Variants in SVEP1 observed in about 807,000 individuals in gnomAD.
SVEP1 encodes sushi, von Willebrand factor type A, EGF and pentraxin domain-containing protein 1.
In SVEP1, 164 loss-of-function variants were observed where a neutral mutation model predicts 367.3. The observed-to-expected ratio is 0.45, with a 90% CI of 0.39 to 0.51. The LOEUF is 0.51. Ranked by LOEUF, SVEP1 falls within the 20% of genes least tolerant of loss-of-function variation. The probability of loss-of-function intolerance (pLI) is 0.00; values close to 1 mark genes in which losing one functional copy is unlikely to be tolerated. For synonymous variants in SVEP1, 1,666 were observed against 1,611.6 expected (o/e 1.03, Z -0.81); for missense variants, 4,117 against 4,425.3 (o/e 0.93, Z 1.98).
intron 41 of SVEP1, among the ~76,000 whole-genome samples, chr9:110,387,854 C>T (rs989360271): frequency 2.6e-5 from 4 of 152,166 alleles, no homozygotes; most frequent in Non-Finnish European, 4.4e-5. Context: ...AGAGGATGCC[C>T]TGTTAAATTT....
intron 8 of SVEP1, among the ~76,000 whole-genome samples, chr9:110,493,190 T>C (rs1319692725): frequency 6.6e-6 from 1 of 151,838 alleles, no homozygotes; most frequent in African/African-American, 2.4e-5. Flanking sequence ...TGCACCTTCA[T>C]GGCAGGGAAC....
At chr9:110,433,215 T>C (rs1828378977) in intron 30 of SVEP1, among the ~76,000 whole-genome samples, 1 of 152,110 alleles carries the variant, frequency 6.6e-6, no homozygotes. Flanking sequence ...CTCCTTTCTT[T>C]ATACATTACC....
chr9:110,391,033 G>C (rs1255744018), intron 40 of SVEP1, among the ~76,000 whole-genome samples: 1 of 151,930 alleles, frequency 6.6e-6, no homozygotes, highest in African/African-American at 2.4e-5. Context: ...TAAAAGATAA[G>C]AGCTCTTAAA....
intron 1 of SVEP1, among the ~76,000 whole-genome samples, chr9:110,571,218 C>T (rs534655713): frequency 1.3e-5 from 2 of 151,890 alleles, no homozygotes; most frequent in Non-Finnish European, 2.9e-5. Flanking sequence ...ATCCACCTGC[C>T]TCAGCCTCCC....
In SVEP1 at chr9:110,423,551, T is replaced by A. The variant is rs1564138192; in HGVS notation, c.5975+4040A>T. On this transcript the variant is annotated intron_variant, in intron 36 of 47. Transcript: ENST00000374469. Reference sequence around the variant, plus strand: ...TTAATGCTTTCTAAAGTCTTCAAGTTGTTCAGGAAGAAGGCAGAAACATTA... The same window carrying A: ...TTAATGCTTTCTAAAGTCTTCAAGTAGTTCAGGAAGAAGGCAGAAACATTA... Among the ~76,000 whole-genome samples the A allele has an allele frequency of 2.6e-5, 4 of 152,228 alleles. No individual in the cohort carries two copies. The South Asian group carries it at 8.3e-4, about 32-fold the overall frequency.
At chr9:110,449,304 A>G (rs573262761) in intron 24 of SVEP1, among the ~76,000 whole-genome samples, 1 of 152,152 alleles carries the variant, frequency 6.6e-6, no homozygotes, top group Non-Finnish European at 1.5e-5. Flanking sequence ...ACTTTTTTAC[A>G]TTCATGTTAG....
intron 45 of SVEP1, among the ~76,000 whole-genome samples, chr9:110,376,555 A>T (rs941084085): frequency 6.6e-6 from 1 of 152,218 alleles, no homozygotes; most frequent in Non-Finnish European, 1.5e-5. Context: ...TTAGTCTCTT[A>T]TAAAATTCCT....
Position 110,550,188 on chromosome 9 carries a change from C to G in SVEP1, c.532-84G>C. 3.2e-6 allele frequency: 5 copies of G among 1,543,238 alleles called. No individual in the cohort carries two copies. The South Asian group carries it at 4.8e-5, about 15-fold the overall frequency. On this transcript the variant is annotated intron_variant, in intron 1 of 47. Transcript: ENST00000374469. The stretch of plus-strand genomic sequence containing the variant: ...CTCTTCTTACGTAAGGCAGTACTTG[C>G]AAAGATCATTAGTATTTCACAGGCA...
chr9:110,407,059 G>T lies in SVEP1; in HGVS notation c.8541C>A (p.Asp2847Glu). 6.2e-7 allele frequency: 1 copy of T among 1,613,864 alleles called. No individual in the cohort carries two copies. The highest frequency in any genetic ancestry group is 8.5e-7 in the Non-Finnish European group (1 of 1,179,870). Residue 2847 changes from aspartate to glutamate, a missense_variant, in exon 38 of 48, where the codon GAC (aspartate) becomes GAA (glutamate). Physicochemically the swap from Asp to Glu is conservative, Grantham distance 45. Coordinates refer to ENST00000374469, the MANE Select transcript of SVEP1 (RefSeq NM_153366.4). ...PVSANGQVRGDEYTFQKEIEY... is the reference protein window; with the variant it reads ...PVSANGQVRGEEYTFQKEIEY... Reference sequence around the variant, plus strand: ...CAATCTCTTTTTGGAATGTGTACTCGTCTCCTCTCACCTGGCCATTGGCTG... The same window carrying T: ...CAATCTCTTTTTGGAATGTGTACTCTTCTCCTCTCACCTGGCCATTGGCTG...
At chr9:110,524,916 T>G (rs1829922578) in intron 3 of SVEP1, among the ~76,000 whole-genome samples, 1 of 152,084 alleles carries the variant, frequency 6.6e-6, no homozygotes, top group African/African-American at 2.4e-5. Context: ...TTTACCATGT[T>G]GCTCAGCCTG....
At chr9:110,450,986 T>C (rs1828684467) in intron 23 of SVEP1, among the ~76,000 whole-genome samples, 2 of 152,192 alleles carry the variant, frequency 1.3e-5, no homozygotes, top group Non-Finnish European at 2.9e-5. Flanking sequence ...GTACATCTGT[T>C]TGCAATATGA....
intron 47 of SVEP1, 128 bp downstream of exon 47, chr9:110,369,795 A>C (rs1050191319): frequency 9.9e-6 from 7 of 709,572 alleles, no homozygotes; most frequent in Admixed American, 9.7e-5. Flanking sequence ...CTGTCTCAAA[A>C]TGGATGTTTT....
intron 3 of SVEP1, among the ~76,000 whole-genome samples, chr9:110,545,331 A>G: frequency 6.6e-6 from 1 of 152,244 alleles, no homozygotes; most frequent in East Asian, 1.9e-4. Flanking sequence ...TAGTTTTTTG[A>G]GGAACCTCCA....
Position 110,411,439 on chromosome 9 carries a change from T to C in SVEP1, c.6272A>G (p.Tyr2091Cys), listed in dbSNP as rs528247576. 2.0e-5 allele frequency: 32 copies of C among 1,614,024 alleles called. No homozygotes were observed. Among genetic ancestry groups the C allele is most frequent in the Non-Finnish European group, 2.3e-5 (27 of 1,179,900 alleles). The change falls in exon 37 of 48, where the codon TAT (tyrosine) becomes TGT (cysteine). Residue 2091 changes from tyrosine to cysteine, a missense_variant. This residue lies in a region of SVEP1 where 2,174 missense variants were observed against 2,494.3 expected (regional missense o/e 0.87). Coordinates refer to ENST00000374469, the MANE Select transcript of SVEP1 (RefSeq NM_153366.4). ...TTTGCTCACAGATTCCAAGATGCTA[T>C]AGGAAACCGATGGAGGTTTTTCACA... The part of the protein sequence containing the change: ...HFCEKPPSVS[Y>C]SILESVSKAK...
Position 110,406,280 on chromosome 9 carries a change from T to C in SVEP1, c.9320A>G (p.Lys3107Arg). The C allele has an allele frequency of 6.2e-7, 1 of 1,614,046 alleles. No homozygotes were observed. The highest frequency in any genetic ancestry group is 1.1e-5 in the South Asian group (1 of 91,088). ...QGSSDLICTE[K>R]GVWSQPYPVC... ...TGGATAAGGCTGGCTCCATACCCCT[T>C]TCTCTGTACAAATCAGATCTGAACT... The change falls in exon 38 of 48, where the codon AAA becomes AGA. Residue 3107 changes from lysine to arginine, a missense_variant. Lys to Arg is a conservative substitution (Grantham distance 26). This residue lies in a region of SVEP1 where 1,765 missense variants were observed against 1,781.1 expected (regional missense o/e 0.99). Coordinates refer to ENST00000374469, the MANE Select transcript of SVEP1 (RefSeq NM_153366.4).
intron 41 of SVEP1, 70 bp downstream of exon 41, chr9:110,389,454 A>C: frequency 6.4e-7 from 1 of 1,567,602 alleles, no homozygotes; most frequent in South Asian, 1.2e-5. Flanking sequence ...CCTATAAAGA[A>C]AATGTAGCCA....
intron 44 of SVEP1, among the ~76,000 whole-genome samples, chr9:110,377,867 C>T (rs376372201): frequency 2.6e-5 from 4 of 152,130 alleles, no homozygotes; most frequent in Admixed American, 2.0e-4. Flanking sequence ...CAACATCTCC[C>T]TATCCTCACC....
intron 3 of SVEP1, among the ~76,000 whole-genome samples, chr9:110,519,812 T>C (rs976936374): frequency 5.9e-5 from 9 of 152,158 alleles, no homozygotes; most frequent in African/African-American, 2.2e-4. Context: ...TCAAGACAAC[T>C]GAGTTGCAAT....
At chr9:110,386,836 G>A (rs1478035544) in intron 42 of SVEP1, among the ~76,000 whole-genome samples, 1 of 152,174 alleles carries the variant, frequency 6.6e-6, no homozygotes, top group Non-Finnish European at 1.5e-5. Context: ...CAACTTCTAC[G>A]TTGCTTGTGA....
Sources: allele counts gnomAD v4.1 joint callset (sites outside exome capture counted in the v4.1 genomes callset), GRCh38; gene constraint gnomAD v4.1.1; regional missense constraint gnomAD v4.1.1; transcripts MANE v1.5; gene names NCBI Gene and HGNC (gene_info 2026-07-23, HGNC 2026-07-21).